The following DEFB118 variants were observed in gnomAD, a reference collection of about 807,000 sequenced individuals.
The protein encoded by DEFB118 is defensin, beta 18.
Under a neutral mutation model 2.8 loss-of-function variants are expected in DEFB118, and 3 were observed. The observed-to-expected ratio is 1.09, with a 90% CI of 0.50 to 2.82. The LOEUF (loss-of-function observed/expected upper bound fraction) is 2.82. DEFB118 is among the 30% of genes most tolerant of loss of function. DEFB118 has a pLI of 0.04. For missense variants in DEFB118, 159 were observed against 144.6 expected, an observed-to-expected ratio of 1.10 and a Z score of -0.51; for synonymous variants, 63 against 53.5, an observed-to-expected ratio of 1.18 and a Z score of -0.78.
In DEFB118 at chr20:31,371,501, C is replaced by T. The variant is rs567320350; in HGVS notation, c.59-1356C>T. On this transcript the variant is annotated intron_variant, in intron 1 of 1. Coordinates refer to ENST00000253381, the MANE Select transcript of DEFB118 (RefSeq NM_054112.3). ...TTTTTTTTCTTTTTTGAGACAGTCT[C>T]GCTCTGTTGCCCAGGCTGAAGTGCA... Among the ~76,000 whole-genome samples, 3 of 151,450 alleles carry T rather than the reference C, an allele frequency of 2.0e-5. No homozygotes were observed. In the East Asian group the frequency reaches 5.8e-4, roughly 29 times the overall value.
intron 1 of DEFB118, among the ~76,000 whole-genome samples, chr20:31,372,420 G>T (rs527766805): frequency 4.6e-5 from 7 of 152,034 alleles, no homozygotes; most frequent in Non-Finnish European, 1.0e-4. Context: ...GTGGTGGCGC[G>T]TGCCTGTAGT....
At chr20:31,368,834 C>A in intron 1 of DEFB118, 126 bp downstream of exon 1, 1 of 883,432 alleles carries the variant, frequency 1.1e-6, no homozygotes, top group Non-Finnish European at 1.8e-6. Flanking sequence ...GACTATGCTC[C>A]TGGCTGGGGT....
chr20:31,371,021 G>A (rs1986202060), intron 1 of DEFB118, among the ~76,000 whole-genome samples: 2 of 152,218 alleles, frequency 1.3e-5, no homozygotes, highest in East Asian at 3.9e-4. Flanking sequence ...TCGTGCTGTT[G>A]TTTTAATCTG....
In DEFB118 at chr20:31,373,024, T is replaced by C. The variant is rs1291256856; in HGVS notation, c.226T>C (p.Ser76Pro). The change falls in exon 2 of 2, where the codon TCA (serine) becomes CCA (proline). Residue 76 changes from serine (S) to proline (P), a missense_variant. Transcript: ENST00000253381. ...PATSPTPLSD[S>P]TPGIIDDILT... is the part of the protein sequence containing the mutation. The stretch of plus-strand genomic sequence containing the variant: ...GACATCTCCCACACCCTTGAGTGAC[T>C]CAACACCAGGAATTATTGATGATAT... 2 of 1,614,180 alleles carry C rather than the reference T, an allele frequency of 1.2e-6. No individual in the cohort carries two copies. Among genetic ancestry groups the C allele is most frequent in the South Asian group, 1.1e-5 (1 of 91,082 alleles).
In DEFB118 at chr20:31,368,797, T is replaced by C. The variant is rs577781211; in HGVS notation, c.58+89T>C. On this transcript the variant is annotated intron_variant, in intron 1 of 1. Coordinates refer to ENST00000253381, the MANE Select transcript of DEFB118 (RefSeq NM_054112.3). ...CAATGTGTCACGGTACTCCCCAACATGGGCAGCTCCACAGTTCCCACACTG... is the reference window on the plus strand; with the variant it reads ...CAATGTGTCACGGTACTCCCCAACACGGGCAGCTCCACAGTTCCCACACTG... 1.0e-5 allele frequency: 13 copies of C among 1,274,866 alleles called. No individual in the cohort carries two copies. The East Asian group carries it at 3.1e-4, about 31-fold the overall frequency. The allele number at this position is 1,274,866 out of a possible 1,614,324, so 79.0% of individuals were successfully genotyped here. A position where few individuals can be genotyped will look rare whatever the true frequency, so the allele number is the denominator to read the frequency against.
chr20:31,372,714 T>TG lies in DEFB118; in HGVS notation c.59-142dup, dbSNP rs529299445. 208 of 650,566 alleles carry TG rather than the reference T, an allele frequency of 3.2e-4. No homozygotes were observed. The African/African-American group carries it at 3.5e-3, about 11-fold the overall frequency. 40.3% of individuals were successfully genotyped at this position (650,566 alleles called of 1,614,324 possible). A position where few individuals can be genotyped will look rare whatever the true frequency, so the allele number is the denominator to read the frequency against. ...ATTGACAAATGGGAGGTTGAGTATT[T>TG]GCCAGACCTGAGGTGGGAGTCTTGC... On this transcript the variant is annotated intron_variant, in intron 1 of 1. Transcript: ENST00000253381.
intron 1 of DEFB118, among the ~76,000 whole-genome samples, chr20:31,372,569 T>C (rs1206022489): frequency 1.3e-5 from 2 of 152,118 alleles, no homozygotes; most frequent in Non-Finnish European, 2.9e-5. Flanking sequence ...GTACTTTCTT[T>C]ACTCAGGTAC....
chr20:31,372,882 G>C lies in DEFB118; in HGVS notation c.84G>C (p.Trp28Cys), dbSNP rs1460847420. The change falls in exon 2 of 2, where the codon TGG becomes TGC. Residue 28 changes from tryptophan (W) to cysteine (C), a missense_variant. Physicochemically the swap from Trp to Cys is radical, Grantham distance 215 (BLOSUM62 -2). Coordinates refer to ENST00000253381, the MANE Select transcript of DEFB118 (RefSeq NM_054112.3). ...IPAYSGEKKC[W>C]NRSGHCRKQC... is the part of the protein sequence containing the mutation. ...CCTATAGTGGTGAAAAAAAATGCTG[G>C]AACAGATCAGGGCACTGCAGGAAAC... is the stretch of plus-strand genomic sequence containing the variant. The C allele has an allele frequency of 1.2e-6, 2 of 1,613,920 alleles. No individual in the cohort carries two copies. The highest frequency in any genetic ancestry group is 1.3e-5 in the African/African-American group (1 of 74,890).
chr20:31,372,905 A>T lies in DEFB118; in HGVS notation c.107A>T (p.Lys36Ile). Reference protein sequence around the residue: ...KCWNRSGHCRKQCKDGEAVKD... With the variant: ...KCWNRSGHCRIQCKDGEAVKD... Reference sequence around the variant, plus strand: ...TGGAACAGATCAGGGCACTGCAGGAAACAATGCAAAGATGGAGAAGCAGTG... The same window carrying T: ...TGGAACAGATCAGGGCACTGCAGGATACAATGCAAAGATGGAGAAGCAGTG... The change falls in exon 2 of 2, where the codon AAA becomes ATA. Residue 36 changes from lysine to isoleucine, a missense_variant. Transcript: ENST00000253381. The T allele has an allele frequency of 6.2e-7, 1 of 1,614,188 alleles. No individual in the cohort carries two copies. Among genetic ancestry groups the T allele is most frequent in the Non-Finnish European group, 8.5e-7 (1 of 1,180,020 alleles).
At chr20:31,369,412 T>C (rs910002175) in intron 1 of DEFB118, among the ~76,000 whole-genome samples, 1 of 122,234 alleles carries the variant, frequency 8.2e-6, no homozygotes, top group Non-Finnish European at 1.6e-5. Flanking sequence ...TTTTTGAAGA[T>C]GGAATCTCAA....
chr20:31,368,859 G>T, intron 1 of DEFB118, 151 bp downstream of exon 1: 1 of 698,944 alleles, frequency 1.4e-6, no homozygotes. Context: ...CCTGGGAGTA[G>T]AGCAAGTTAT....
At chr20:31,369,389 T>G (rs1568724454) in intron 1 of DEFB118, among the ~76,000 whole-genome samples, 1 of 144,228 alleles carries the variant, frequency 6.9e-6, no homozygotes, top group South Asian at 2.2e-4. Context: ...TCTTGTGTTT[T>G]TTTTTTTTTT....
rs1307175888 is a variant in DEFB118, at chr20:31,373,012, C to T, written c.214C>T (p.Pro72Ser). The change falls in exon 2 of 2, where the codon CCC becomes TCC. Residue 72 changes from proline (P) to serine (S), a missense_variant. By Grantham distance (74) the Pro-to-Ser change is moderately conservative (BLOSUM62 -1). Transcript: ENST00000253381. Reference sequence around the variant, plus strand: ...GCGAGTTCCTGCGACATCTCCCACACCCTTGAGTGACTCAACACCAGGAAT... The same window carrying T: ...GCGAGTTCCTGCGACATCTCCCACATCCTTGAGTGACTCAACACCAGGAAT... ...HRRVPATSPTPLSDSTPGIID... is the reference protein window; with the variant it reads ...HRRVPATSPTSLSDSTPGIID... 3.1e-6 allele frequency: 5 copies of T among 1,614,066 alleles called. No individual in the cohort carries two copies. Among genetic ancestry groups the T allele is most frequent in the Admixed American group, 1.7e-5 (1 of 60,008 alleles).
Position 31,368,667 on chromosome 20 carries a change from T to G in DEFB118, c.17T>G (p.Leu6Arg). Reference sequence around the variant, plus strand: ...CCAAGGACCATGAAACTCCTGCTGCTGGCTCTTCCTATGCTTGTGCTCCTA... The same window carrying G: ...CCAAGGACCATGAAACTCCTGCTGCGGGCTCTTCCTATGCTTGTGCTCCTA... Reference protein sequence around the residue: MKLLLLALPMLVLLPQ... With the variant: MKLLLRALPMLVLLPQ... The change falls in exon 1 of 2, where the codon CTG (leucine) becomes CGG (arginine). Residue 6 changes from leucine (L) to arginine (R), a missense_variant. Transcript: ENST00000253381. 1 of 1,613,870 alleles carries G rather than the reference T, an allele frequency of 6.2e-7. No homozygotes were observed. The highest frequency in any genetic ancestry group is 8.5e-7 in the Non-Finnish European group (1 of 1,179,806).
At position 31,373,228 on chromosome 20, in the gene DEFB118, G is replaced by A; in HGVS notation, c.*58G>A. 6.6e-7 allele frequency: 1 copy of A among 1,513,432 alleles called. No individual in the cohort carries two copies. The highest frequency in any genetic ancestry group is 9.0e-7 in the Non-Finnish European group (1 of 1,112,460). The allele number at this position is 1,513,432 out of a possible 1,614,324, so 93.8% of individuals were successfully genotyped here. A position where few individuals can be genotyped will look rare whatever the true frequency, so the allele number is the denominator to read the frequency against. ...AGAGTGATAAACTAAGTCACATACA[G>A]ATAAAGCACTGAAAACACCACAGTG... On this transcript the variant is annotated 3_prime_UTR_variant, in exon 2 of 2. Transcript: ENST00000253381.
chr20:31,369,932 C>G (rs1008864112), intron 1 of DEFB118, among the ~76,000 whole-genome samples: 1 of 150,652 alleles, frequency 6.6e-6, no homozygotes, highest in Admixed American at 6.6e-5. Context: ...TCCTAGAGGG[C>G]AAATAACCAA....
chr20:31,371,669 T>C (rs1287640822), intron 1 of DEFB118, among the ~76,000 whole-genome samples: 1 of 152,134 alleles, frequency 6.6e-6, no homozygotes, highest in African/African-American at 2.4e-5. Context: ...GCTTATTTTA[T>C]ACTTTGGTTT....
At chr20:31,370,062 C>T (rs1189872999) in intron 1 of DEFB118, among the ~76,000 whole-genome samples, 5 of 152,124 alleles carry the variant, frequency 3.3e-5, no homozygotes, top group Non-Finnish European at 7.4e-5. Context: ...CAGACTCCCA[C>T]TGCACACAGC....
intron 1 of DEFB118, among the ~76,000 whole-genome samples, chr20:31,369,553 C>T (rs1421440261): frequency 6.6e-6 from 1 of 152,116 alleles, no homozygotes; most frequent in East Asian, 1.9e-4. Flanking sequence ...TCATGTCCGA[C>T]TAATTTTTGT....
Sources: allele counts gnomAD v4.1 joint callset (sites outside exome capture counted in the v4.1 genomes callset), GRCh38; gene constraint gnomAD v4.1.1; transcripts MANE v1.5; gene names NCBI Gene and HGNC (gene_info 2026-07-23, HGNC 2026-07-21).